FLT1: variants seen among roughly 807,000 people sequenced by gnomAD.
FLT1 encodes vascular endothelial growth factor receptor 1.
Under a neutral mutation model 156.3 loss-of-function variants are expected in FLT1, and 49 were observed. The observed-to-expected ratio is 0.31, with a 90% CI of 0.25 to 0.40. The LOEUF (loss-of-function observed/expected upper bound fraction) is 0.40. FLT1 is among the 10% of genes least tolerant of loss of function. The pLI is 1.00. For synonymous variants in FLT1, 594 were observed against 583.8 expected, an observed-to-expected ratio of 1.02 and a Z score of -0.25; for missense variants, 1,322 against 1,637.2, an observed-to-expected ratio of 0.81 and a Z score of 3.32.
rs142699996 is a variant in FLT1, at chr13:28,437,552, C to T, written c.513+669G>A. On this transcript the variant is annotated intron_variant, in intron 4 of 29. Coordinates refer to ENST00000282397, the MANE Select transcript of FLT1 (RefSeq NM_002019.4). ...TTATCCAGTTCTGAGTCCTGGTATA[C>T]TCCTAACTCTTACTGCTGATTAATT... Among the ~76,000 whole-genome samples the T allele has an allele frequency of 4.7e-3, 717 of 152,308 alleles. 8 individuals carry two copies. Among genetic ancestry groups the T allele is most frequent in the African/African-American group, 0.016 (684 of 41,558 alleles).
rs2137561090 is a variant in FLT1, at chr13:28,438,317, G to A, written c.417C>T (p.Tyr139=). 1.2e-6 allele frequency: 2 copies of A among 1,610,918 alleles called. No individual in the cohort carries two copies. Among genetic ancestry groups the A allele is most frequent in the East Asian group, 2.2e-5 (1 of 44,858 alleles). Reference sequence around the variant, plus strand: ...TGTGTATAATTTCGGGGATTTCACTGTACATCTCTACGAAAGGTCTACCTG... The same window carrying A: ...TGTGTATAATTTCGGGGATTTCACTATACATCTCTACGAAAGGTCTACCTG... ...SDTGRPFVEM[Y]SEIPEIIHMT... Residue 139 remains tyrosine (Y), a synonymous_variant, in exon 4 of 30, where the codon TAC becomes TAT. Transcript: ENST00000282397.
intron 10 of FLT1, among the ~76,000 whole-genome samples, chr13:28,426,806 A>T (rs185277224): frequency 3.9e-4 from 60 of 152,340 alleles, no homozygotes; most frequent in African/African-American, 1.3e-3. Context: ...GGGAATGCTA[A>T]TGCAACTGAC....
rs142487706 is a variant in FLT1, at chr13:28,414,391, T to C, written c.1437-8497A>G. The stretch of plus-strand genomic sequence containing the variant: ...AATTCTTTGGGAATGGATGTGTTCT[T>C]AGCATAGCCAACTCAAAAAAGCAAC... On this transcript the variant is annotated intron_variant, in intron 10 of 29. Transcript: ENST00000282397. Among the ~76,000 whole-genome samples the C allele has an allele frequency of 4.6e-3, 708 of 152,314 alleles. 7 individuals carry two copies. The highest frequency in any genetic ancestry group is 0.016 in the African/African-American group (675 of 41,566).
intron 24 of FLT1, 146 bp from the exon 25 acceptor site, chr13:28,317,743 C>G (rs1373290144): frequency 5.8e-6 from 4 of 686,550 alleles, no homozygotes; most frequent in African/African-American, 1.8e-5. Context: ...TCTCAACATA[C>G]CGTACAACAC....
intron 1 of FLT1, among the ~76,000 whole-genome samples, chr13:28,487,047 A>C (rs1881208100): frequency 6.6e-6 from 1 of 152,222 alleles, no homozygotes. Flanking sequence ...TTGCAAGCCC[A>C]CCAGGTGATT....
intron 22 of FLT1, among the ~76,000 whole-genome samples, chr13:28,321,893 T>A (rs965356888): frequency 9.2e-5 from 14 of 152,270 alleles, no homozygotes; most frequent in African/African-American, 3.1e-4. Flanking sequence ...CAAGATGAGA[T>A]CTTTCTCCAG....
intron 14 of FLT1, among the ~76,000 whole-genome samples, chr13:28,381,376 G>A (rs942508150): frequency 1.6e-4 from 25 of 152,060 alleles, no homozygotes; most frequent in African/African-American, 6.0e-4. Context: ...GGCCAACATG[G>A]TGAAACCCCC....
At chr13:28,343,507 G>C (rs1026652356) in intron 16 of FLT1, among the ~76,000 whole-genome samples, 4 of 151,856 alleles carry the variant, frequency 2.6e-5, no homozygotes, top group African/African-American at 9.7e-5. Flanking sequence ...CACCATGTTG[G>C]CTAGGCTGGT....
chr13:28,479,618 C>T (rs533589425), intron 1 of FLT1, among the ~76,000 whole-genome samples: 2 of 152,272 alleles, frequency 1.3e-5, no homozygotes, highest in South Asian at 4.1e-4. Context: ...TTTTCACCAG[C>T]AGTATCTGAA....
intron 10 of FLT1, among the ~76,000 whole-genome samples, chr13:28,419,310 A>C (rs1051967723): frequency 6.6e-6 from 1 of 152,264 alleles, no homozygotes; most frequent in African/African-American, 2.4e-5. Context: ...CTACCAAGTC[A>C]GTGAAGATAT....
intron 15 of FLT1, among the ~76,000 whole-genome samples, chr13:28,348,904 G>A (rs1349262087): frequency 1.3e-5 from 2 of 148,304 alleles, no homozygotes; most frequent in Non-Finnish European, 3.0e-5. Flanking sequence ...GCTACAGAGC[G>A]AGACTCCGTC....
intron 14 of FLT1, among the ~76,000 whole-genome samples, chr13:28,359,773 T>C (rs950722418): frequency 7.9e-5 from 12 of 152,110 alleles, no homozygotes; most frequent in African/African-American, 2.9e-4. Context: ...CCAACAGTTA[T>C]ATGAAAAAAA....
intron 10 of FLT1, among the ~76,000 whole-genome samples, chr13:28,407,782 A>C (rs768727641): frequency 6.6e-6 from 1 of 152,212 alleles, no homozygotes; most frequent in Non-Finnish European, 1.5e-5. Context: ...GCTTATTGAT[A>C]AGTAGAGTAA....
intron 14 of FLT1, among the ~76,000 whole-genome samples, chr13:28,358,657 C>T (rs1872996324): frequency 6.6e-6 from 1 of 152,192 alleles, no homozygotes; most frequent in Admixed American, 6.5e-5. Flanking sequence ...TGTGGGCAGG[C>T]TAAGACATGG....
At chr13:28,312,748 G>A (rs1293314903) in intron 25 of FLT1, among the ~76,000 whole-genome samples, 1 of 152,030 alleles carries the variant, frequency 6.6e-6, no homozygotes, top group Non-Finnish European at 1.5e-5. Flanking sequence ...AGTTTCCGGG[G>A]CTGTGAGCAA....
rs933012783 is a variant in FLT1, at chr13:28,311,662, G to A, written c.3563C>T (p.Ala1188Val). The A allele has an allele frequency of 1.2e-6, 2 of 1,613,060 alleles. No individual in the cohort carries two copies. The highest frequency in any genetic ancestry group is 2.7e-5 in the African/African-American group (2 of 74,890). Residue 1188 changes from alanine (A) to valine (V), a missense_variant, in exon 27 of 30, where the codon GCC (alanine) becomes GTC (valine). Around this residue, in one of 3 missense-constraint regions of FLT1, gnomAD observed 329 missense variants for 366.2 expected, o/e 0.90. Coordinates refer to ENST00000282397, the MANE Select transcript of FLT1 (RefSeq NM_002019.4). Reference protein sequence around the residue: ...GNSGFTYSTPAFSEDFFKESI... With the variant: ...GNSGFTYSTPVFSEDFFKESI... Reference sequence around the variant, plus strand: ...TTCCTTGAAGAAGTCCTCAGAGAAGGCAGGAGTTGAGTATGTAAACCCACT... The same window carrying A: ...TTCCTTGAAGAAGTCCTCAGAGAAGACAGGAGTTGAGTATGTAAACCCACT...
intron 13 of FLT1, chr13:28,389,518 G>GC (rs1351526175): frequency 1.4e-6 from 2 of 1,416,656 alleles, no homozygotes; most frequent in Admixed American, 3.0e-5. Flanking sequence ...CACCAAGTCG[G>GC]CCCCCCGGAG....
chr13:28,327,692 C>A (rs1391834703), intron 19 of FLT1, 142 bp from the exon 20 acceptor site: 7 of 660,296 alleles, frequency 1.1e-5, no homozygotes, highest in African/African-American at 1.9e-5. Context: ...GGATGAGAGG[C>A]CCATGAATAC....
At chr13:28,433,701 TG>T (rs1265280093) in intron 6 of FLT1, 117 bp downstream of exon 6, 1 of 954,568 alleles carries the variant, frequency 1.0e-6, no homozygotes, top group African/African-American at 1.6e-5. Flanking sequence ...GCTTCTTTAT[TG>T]ACTAACACTG....
Sources: allele counts gnomAD v4.1 joint callset (sites outside exome capture counted in the v4.1 genomes callset), GRCh38; gene constraint gnomAD v4.1.1; regional missense constraint gnomAD v4.1.1; transcripts MANE v1.5; gene names NCBI Gene and HGNC (gene_info 2026-07-23, HGNC 2026-07-21).